Variants in TRMT11 observed in about 807,000 individuals in gnomAD.
TRMT11 encodes the protein tRNA (guanine(10)-N(2))-methyltransferase TRMT11.
A neutral mutation model predicts 62.8 loss-of-function variants in TRMT11; 53 were observed. The observed-to-expected ratio is 0.84, with a 90% CI of 0.68 to 1.06. TRMT11 has a LOEUF of 1.06. TRMT11 is among the 50% of genes least tolerant of loss of function. The probability of loss-of-function intolerance (pLI) is 0.00; values close to 1 mark genes in which losing one functional copy is unlikely to be tolerated. For synonymous variants in TRMT11, 188 were observed against 190.3 expected, an observed-to-expected ratio of 0.99 and a Z score of 0.10; for missense variants, 556 against 553.4, an observed-to-expected ratio of 1.00 and a Z score of -0.05.
At chr6:126,241,870 G>T in the TRMT11 span, among the ~76,000 whole-genome samples, 11 of 152,238 alleles carry the variant, frequency 7.2e-5, no homozygotes, top group African/African-American at 2.6e-4. Flanking sequence ...TTGAAAACTG[G>T]CACAAGACAG....
At chr6:126,022,347 T>G (rs1420115039) in intron 12 of TRMT11, among the ~76,000 whole-genome samples, 1 of 152,028 alleles carries the variant, frequency 6.6e-6, no homozygotes, top group Non-Finnish European at 1.5e-5. Flanking sequence ...GTGTCCAGAC[T>G]GAAGATTTTT....
intron 1 of TRMT11, among the ~76,000 whole-genome samples, chr6:126,187,128 G>A (rs1651979271): frequency 6.6e-6 from 1 of 151,860 alleles, no homozygotes; most frequent in African/African-American, 2.4e-5. Context: ...GTACAATAAG[G>A]AGAAAGAAAT....
At chr6:126,199,226 C>G (rs1235551416) in intron 2 of TRMT11, among the ~76,000 whole-genome samples, 1 of 152,212 alleles carries the variant, frequency 6.6e-6, no homozygotes, top group African/African-American at 2.4e-5. Context: ...CTCGCAGAAT[C>G]ACCTGATGTC....
chr6:126,212,130 A>G, the TRMT11 span, among the ~76,000 whole-genome samples: 25 of 152,226 alleles, frequency 1.6e-4, no homozygotes, highest in African/African-American at 4.6e-4. Context: ...ATAGTACTCT[A>G]TTATATGATA....
chr6:126,037,569 C>T (rs1428781073), intron 12 of TRMT11, among the ~76,000 whole-genome samples: 1 of 151,962 alleles, frequency 6.6e-6, no homozygotes, highest in African/African-American at 2.4e-5. Flanking sequence ...ACCTATTTCT[C>T]TTTGATGAAT....
chr6:126,120,484 C>T (rs546146221), intron 21 of TRMT11, among the ~76,000 whole-genome samples: 5 of 152,146 alleles, frequency 3.3e-5, no homozygotes, highest in South Asian at 2.1e-4. Flanking sequence ...TTTGTGTCAA[C>T]GTTACAAACC....
chr6:126,252,814 T>C, the TRMT11 span, among the ~76,000 whole-genome samples: 5 of 152,224 alleles, frequency 3.3e-5, no homozygotes, highest in African/African-American at 9.6e-5. Context: ...CCTATTGAAC[T>C]TTTCCGGAAT....
At chr6:126,078,604 A>G (rs914715809) in intron 17 of TRMT11, among the ~76,000 whole-genome samples, 1 of 152,164 alleles carries the variant, frequency 6.6e-6, no homozygotes, top group Non-Finnish European at 1.5e-5. Flanking sequence ...AGTTTACTCA[A>G]GGTTAGAGAG....
chr6:126,021,821 G>A (rs777247216), intron 12 of TRMT11, among the ~76,000 whole-genome samples: 3 of 152,044 alleles, frequency 2.0e-5, no homozygotes, highest in Non-Finnish European at 4.4e-5. Flanking sequence ...ATTCATTTAA[G>A]CTTAAGAAAG....
chr6:125,992,996 C>T (rs927999691), intron 1 of TRMT11, among the ~76,000 whole-genome samples: 4 of 152,184 alleles, frequency 2.6e-5, no homozygotes, highest in African/African-American at 7.2e-5. Flanking sequence ...CTTTTGATGG[C>T]GGTGGGCTTG....
downstream of TRMT11, among the ~76,000 whole-genome samples, chr6:126,043,405 A>G (rs1444005989): frequency 3.3e-5 from 5 of 151,236 alleles, no homozygotes; most frequent in Admixed American, 1.3e-4. Context: ...ATGGCTGCAT[A>G]GTATTCCATG....
intron 12 of TRMT11, among the ~76,000 whole-genome samples, chr6:126,033,172 A>C (rs575425853): frequency 6.6e-6 from 1 of 152,180 alleles, no homozygotes; most frequent in Non-Finnish European, 1.5e-5. Flanking sequence ...ATCTAAGTGG[A>C]ATTCTCAATG....
chr6:126,086,191 G>A (rs889919366), intron 17 of TRMT11, among the ~76,000 whole-genome samples: 1 of 152,104 alleles, frequency 6.6e-6, no homozygotes, highest in African/African-American at 2.4e-5. Flanking sequence ...CTAGATAAAA[G>A]TGTGAATGAA....
At position 126,023,531 on chromosome 6, in the gene TRMT11, C is replaced by T. The variant is rs532401879; in HGVS notation, c.1260+2251C>T. Reference sequence around the variant, plus strand: ...GGCATGGTGGCACACACCTGTAGTCCCAGTGACTTGGGGGGCTGAGGCAGG... The same window carrying T: ...GGCATGGTGGCACACACCTGTAGTCTCAGTGACTTGGGGGGCTGAGGCAGG... On this transcript the variant is annotated intron_variant, in intron 12 of 12. Transcript: ENST00000334379. Among the ~76,000 whole-genome samples, 4 of 152,240 alleles carry T rather than the reference C, an allele frequency of 2.6e-5. No individual in the cohort carries two copies. The East Asian group carries it at 7.7e-4, about 29-fold the overall frequency.
Position 126,157,999 on chromosome 6 carries a change from C to G in TRMT11, c.*1824-16826C>G, listed in dbSNP as rs548633316. Among the ~76,000 whole-genome samples, 4 of 152,172 alleles carry G rather than the reference C, an allele frequency of 2.6e-5. No homozygotes were observed. The East Asian group carries it at 7.7e-4, about 29-fold the overall frequency. ...AACTTTGTCAGCCACTCATAAGCCC[C>G]TCTATATCCTCTATTCCAATCATAA... On this transcript the variant is annotated intron_variant and NMD_transcript_variant, in intron 21 of 22. Transcript: ENST00000648977.
chr6:126,123,467 A>C (rs1271634613), intron 21 of TRMT11, among the ~76,000 whole-genome samples: 1 of 152,088 alleles, frequency 6.6e-6, no homozygotes, highest in Non-Finnish European at 1.5e-5. Flanking sequence ...CAGCACATAG[A>C]CAAAGGAAGT....
At chr6:126,234,448 A>G in the TRMT11 span, among the ~76,000 whole-genome samples, 8 of 152,024 alleles carry the variant, frequency 5.3e-5, no homozygotes, top group African/African-American at 1.9e-4. Flanking sequence ...TTAGATTTTA[A>G]ATATATTGTT....
intron 17 of TRMT11, among the ~76,000 whole-genome samples, chr6:126,060,715 C>T (rs546683007): frequency 6.6e-6 from 1 of 152,190 alleles, no homozygotes; most frequent in South Asian, 2.1e-4. Context: ...AAAGTTTCTT[C>T]TTTTTTCTTT....
At chr6:126,226,486 C>T in the TRMT11 span, among the ~76,000 whole-genome samples, 5 of 151,954 alleles carry the variant, frequency 3.3e-5, no homozygotes, top group East Asian at 1.9e-4. Context: ...TTTCTGTGCT[C>T]GCATTAAAGA....
Sources: gnomAD v4.1 joint callset for allele counts (sites outside exome capture counted in the v4.1 genomes callset) on GRCh38, gnomAD v4.1.1 for gene constraint, MANE v1.5 for transcripts, NCBI Gene and HGNC (gene_info 2026-07-23, HGNC 2026-07-21) for gene names.